ENG: variants seen among roughly 807,000 people sequenced by gnomAD.
The protein encoded by ENG is CD105 antigen.
Under a neutral mutation model 71.0 loss-of-function variants are expected in ENG, and 17 were observed. The observed-to-expected ratio is 0.24, with a 90% CI of 0.16 to 0.36. The LOEUF is 0.36. ENG is among the 10% of genes least tolerant of loss of function. The pLI, the probability that ENG is intolerant of heterozygous loss-of-function variation, is 1.00. For synonymous variants in ENG, 360 were observed against 366.9 expected, an observed-to-expected ratio of 0.98 and a Z score of 0.21; for missense variants, 749 against 868.3, an observed-to-expected ratio of 0.86 and a Z score of 1.73.
Position 127,826,734 on chromosome 9 carries a change from TAGG to T in ENG, c.361-65_361-63del, listed in dbSNP as rs1830627702. The T allele has an allele frequency of 2.1e-5, 33 of 1,596,556 alleles. No homozygotes were observed. The South Asian group carries it at 3.7e-4, about 18-fold the overall frequency. ...GGCCCTGTGCCCTCTCTATCCCATG[TAGG>T]AGGTCAGGAAGTAATTTGTGGAGTC... On this transcript the variant is annotated intron_variant, in intron 3 of 14. Coordinates refer to ENST00000373203, the MANE Select transcript of ENG (RefSeq NM_001114753.3).
Position 127,846,942 on chromosome 9 carries a change from C to G in ENG, c.68-3697G>C. 7.1e-6 allele frequency: 7 copies of G among 985,604 alleles called. No homozygotes were observed. Among genetic ancestry groups the G allele is most frequent in the Non-Finnish European group, 8.4e-6 (7 of 830,064 alleles). The allele number at this position is 985,604 out of a possible 1,614,324, so 61.1% of individuals were successfully genotyped here. ...GATTTCCAGAGGGCTACCTTCAGCA[C>G]CTTGGAGGATGATCAAGAAAAACAG... On this transcript the variant is annotated intron_variant, in intron 1 of 14. Coordinates refer to ENST00000373203, the MANE Select transcript of ENG (RefSeq NM_001114753.3). This position sits in a 1 kb window ranked among gnomAD's most constrained non-coding sequence, Gnocchi z 5.5.
In ENG at chr9:127,830,016, T is replaced by C. The variant is rs545107204; in HGVS notation, c.220-189A>G. Among the ~76,000 whole-genome samples, 7 of 151,766 alleles carry C rather than the reference T, an allele frequency of 4.6e-5. No homozygotes were observed. In the South Asian group the frequency reaches 1.5e-3, roughly 32 times the overall value. On this transcript the variant is annotated intron_variant, in intron 2 of 14. Transcript: ENST00000373203. ...CCTCAGGGAATTCACAATAAACAAA[T>C]GAAGGAGGTAAGCCCGGCAAATCTG...
In ENG at chr9:127,837,774, GCATC is replaced by G. The variant is rs5900769; in HGVS notation, c.219+5316_219+5319del. ...TCCATCCTCTCATCCATGCATGAAT[GCATC>G]CATCCATCCATCCATCCATCCATCC... On this transcript the variant is annotated intron_variant, in intron 2 of 14. Coordinates refer to ENST00000373203, the MANE Select transcript of ENG (RefSeq NM_001114753.3). Among the ~76,000 whole-genome samples the G allele has an allele frequency of 2.2e-3, 243 of 112,948 alleles. 1 individual carries two copies. The highest frequency in any genetic ancestry group is 8.7e-3 in the South Asian group (36 of 4,136). The allele number at this position is 112,948 out of a possible 152,430, so 74.1% of individuals were successfully genotyped here. A position where few individuals can be genotyped will look rare whatever the true frequency, so the allele number is the denominator to read the frequency against.
intron 12 of ENG, 83 bp downstream of exon 12, chr9:127,818,037 C>T: frequency 6.2e-7 from 1 of 1,606,256 alleles, no homozygotes; most frequent in African/African-American, 1.3e-5. Context: ...CCCCACATCC[C>T]TGTGGGCTGC....
chr9:127,826,291 G>A (rs924375829), intron 4 of ENG, among the ~76,000 whole-genome samples: 1 of 152,198 alleles, frequency 6.6e-6, no homozygotes, highest in Non-Finnish European at 1.5e-5. Context: ...AAATGCTGGG[G>A]TTTTAGGTCA....
chr9:127,831,536 C>T (rs1008203379), intron 2 of ENG, among the ~76,000 whole-genome samples: 2 of 150,008 alleles, frequency 1.3e-5, no homozygotes, highest in Non-Finnish European at 1.5e-5. Flanking sequence ...TATAGGCGCC[C>T]ACTACCATGC....
At chr9:127,831,432 A>G (rs149701185) in intron 2 of ENG, among the ~76,000 whole-genome samples, 5,906 of 145,826 alleles carry the variant, frequency 0.041, 146 homozygotes, top group East Asian at 0.11. Context: ...CTGTCGCCCA[A>G]GCTGGAGTGC....
intron 2 of ENG, among the ~76,000 whole-genome samples, chr9:127,835,751 G>C (rs533772083): frequency 3.3e-5 from 5 of 152,130 alleles, no homozygotes; most frequent in Non-Finnish European, 7.3e-5. Flanking sequence ...CCAGTACCAG[G>C]TTGGGCTATG....
intron 8 of ENG, chr9:127,821,509 G>A (rs961632684): frequency 6.6e-6 from 1 of 151,956 alleles, no homozygotes; most frequent in Non-Finnish European, 1.5e-5. Context: ...GTAGGCAGAT[G>A]ACCTGAGGTC....
intron 2 of ENG, among the ~76,000 whole-genome samples, chr9:127,834,236 C>T (rs1830839659): frequency 6.6e-6 from 1 of 151,702 alleles, no homozygotes; most frequent in African/African-American, 2.4e-5. Flanking sequence ...CCATGCCCAG[C>T]TAATTTTTGT....
intron 1 of ENG, among the ~76,000 whole-genome samples, chr9:127,850,717 A>T (rs150514238): frequency 2.0e-5 from 3 of 151,962 alleles, no homozygotes; most frequent in African/African-American, 7.2e-5. Context: ...GATCCTCCAC[A>T]CTCAGGAACA....
intron 2 of ENG, among the ~76,000 whole-genome samples, chr9:127,835,652 T>G (rs965947614): frequency 6.6e-6 from 1 of 152,106 alleles, no homozygotes; most frequent in Non-Finnish European, 1.5e-5. Flanking sequence ...CCCATGGCCA[T>G]CCAGTCCTAC....
Position 127,836,201 on chromosome 9 carries a change from A to G in ENG, c.220-6374T>C, listed in dbSNP as rs559345942. Among the ~76,000 whole-genome samples the G allele has an allele frequency of 2.0e-5, 3 of 152,102 alleles. No individual in the cohort carries two copies. The East Asian group carries it at 5.8e-4, about 30-fold the overall frequency. On this transcript the variant is annotated intron_variant, in intron 2 of 14. Transcript: ENST00000373203. The surrounding 1 kb of genome is among the most constrained non-coding windows in gnomAD (Gnocchi z 4.0). ...AACGATGGCGCCAGCCTTGCCCCCAACCCCAAGCTCCCAGCCTTCCTCATG... is the reference window on the plus strand; with the variant it reads ...AACGATGGCGCCAGCCTTGCCCCCAGCCCCAAGCTCCCAGCCTTCCTCATG...
Position 127,835,982 on chromosome 9 carries a change from G to C in ENG, c.220-6155C>G, listed in dbSNP as rs41387947. On this transcript the variant is annotated intron_variant, in intron 2 of 14. Coordinates refer to ENST00000373203, the MANE Select transcript of ENG (RefSeq NM_001114753.3). ...GCAAGTGAGTAGTTGGGAAACTCAGGGGGGCTGGAAAGCTGGGTGCTCAGG... is the reference window on the plus strand; with the variant it reads ...GCAAGTGAGTAGTTGGGAAACTCAGCGGGGCTGGAAAGCTGGGTGCTCAGG... Among the ~76,000 whole-genome samples the C allele has an allele frequency of 5.0e-3, 755 of 152,234 alleles. 5 individuals are homozygous for C. Among genetic ancestry groups the C allele is most frequent in the African/African-American group, 0.017 (701 of 41,520 alleles).
chr9:127,827,252 A>C (rs1830641156), intron 3 of ENG: 1 of 155,352 alleles, frequency 6.4e-6, no homozygotes, highest in African/African-American at 2.4e-5. Flanking sequence ...AATGAATTAA[A>C]GACAGATATC....
chr9:127,837,386 G>A (rs1830923984), intron 2 of ENG, among the ~76,000 whole-genome samples: 2 of 152,108 alleles, frequency 1.3e-5, no homozygotes, highest in African/African-American at 4.8e-5. Flanking sequence ...CCAGCCAGAT[G>A]GCCACAGAGT....
At chr9:127,824,715 G>A (rs1411978438) in intron 7 of ENG, 85 bp downstream of exon 7, 114 of 1,395,186 alleles carry the variant, frequency 8.2e-5, no homozygotes, top group Non-Finnish European at 1.0e-4. Flanking sequence ...CCTTGCCCAA[G>A]CTCACACAGA....
chr9:127,845,906 C>T (rs1033790879), intron 1 of ENG, among the ~76,000 whole-genome samples: 1 of 152,168 alleles, frequency 6.6e-6, no homozygotes, highest in African/African-American at 2.4e-5. Context: ...CTGGGTCTCA[C>T]TATGTTGCTC....
chr9:127,825,504 C>A (rs1333626484), intron 5 of ENG, 147 bp from the exon 6 acceptor site: 15 of 1,422,994 alleles, frequency 1.1e-5, no homozygotes, highest in African/African-American at 1.4e-5. Flanking sequence ...AGGCTTGTGC[C>A]CAAAGGGAAG....
Sources: allele counts gnomAD v4.1 joint callset (sites outside exome capture counted in the v4.1 genomes callset), GRCh38; gene constraint gnomAD v4.1.1; non-coding constraint Gnocchi (gnomAD v3.1); transcripts MANE v1.5; gene names NCBI Gene and HGNC (gene_info 2026-07-23, HGNC 2026-07-21).